TMEM132C: variants seen among roughly 807,000 people sequenced by gnomAD.
TMEM132C encodes transmembrane protein 132C.
In TMEM132C, 29 loss-of-function variants were observed where a neutral mutation model predicts 61.4. That is an observed-to-expected ratio of 0.47 (90% CI 0.35 to 0.64). The LOEUF (loss-of-function observed/expected upper bound fraction) is 0.64, where lower values mean the gene tolerates loss of function less well. Among genes scored for constraint, TMEM132C ranks in the 30% least tolerant of loss-of-function variants. The pLI, the probability that TMEM132C is intolerant of heterozygous loss-of-function variation, is 0.00. For missense variants in TMEM132C, 1,408 were observed against 1,476.9 expected, an observed-to-expected ratio of 0.95 and a Z score of 0.76; for synonymous variants, 656 against 633.1, an observed-to-expected ratio of 1.04 and a Z score of -0.54.
chr12:128,363,212 A>G (rs1873759845), intron 1 of TMEM132C, among the ~76,000 whole-genome samples: 1 of 152,250 alleles, frequency 6.6e-6, no homozygotes, highest in African/African-American at 2.4e-5. Flanking sequence ...GGTTTTAATT[A>G]AAACTTATAT....
At chr12:128,567,180 T>C (rs977482580) in intron 3 of TMEM132C, among the ~76,000 whole-genome samples, 1 of 152,122 alleles carries the variant, frequency 6.6e-6, no homozygotes, top group Non-Finnish European at 1.5e-5. Flanking sequence ...CAGAACATCA[T>C]AATGTCTCCT....
intron 2 of TMEM132C, among the ~76,000 whole-genome samples, chr12:128,436,785 C>A (rs551891516): frequency 2.0e-5 from 3 of 152,312 alleles, no homozygotes; most frequent in African/African-American, 7.2e-5. Context: ...ACCCAGCCAT[C>A]CCATTACTGG....
chr12:128,666,258 C>A (rs1349646965), intron 4 of TMEM132C, among the ~76,000 whole-genome samples: 1 of 151,242 alleles, frequency 6.6e-6, no homozygotes, highest in African/African-American at 2.4e-5. Context: ...CACACACATT[C>A]ACAGGCACTC....
At position 128,415,774 on chromosome 12, in the gene TMEM132C, A is replaced by G. The variant is rs539147196; in HGVS notation, c.974+154A>G. Among the ~76,000 whole-genome samples the G allele has an allele frequency of 6.6e-6, 1 of 152,292 alleles. No individual in the cohort carries two copies. Reference sequence around the variant, plus strand: ...GGGAAGGCAAATTATGCACCTGCCCACATGCTCTCAACAGCCCTCCTTACA... The same window carrying G: ...GGGAAGGCAAATTATGCACCTGCCCGCATGCTCTCAACAGCCCTCCTTACA... On this transcript the variant is annotated intron_variant, in intron 2 of 8. Transcript: ENST00000435159. This position sits in a 1 kb window ranked among gnomAD's most constrained non-coding sequence, Gnocchi z 5.8.
intron 4 of TMEM132C, among the ~76,000 whole-genome samples, chr12:128,658,024 G>A (rs909283316): frequency 6.7e-6 from 1 of 149,948 alleles, no homozygotes; most frequent in Admixed American, 6.6e-5. Flanking sequence ...AGCTCCCATG[G>A]AGGCCACAAG....
intron 4 of TMEM132C, among the ~76,000 whole-genome samples, chr12:128,632,945 G>T (rs183851102): frequency 2.0e-4 from 31 of 152,264 alleles, no homozygotes; most frequent in African/African-American, 7.2e-4. Context: ...AGTAATTATC[G>T]ATTGGTGCAT....
intron 2 of TMEM132C, among the ~76,000 whole-genome samples, chr12:128,542,704 CA>C (rs1329395403): frequency 7.2e-6 from 1 of 139,820 alleles, no homozygotes; most frequent in African/African-American, 2.6e-5. Context: ...TACTAAAATA[CA>C]AAAAAAGTAG....
rs1159134189 is a variant in TMEM132C at position 128,481,446 on chromosome 12, C to T, written c.975-62511C>T. On this transcript the variant is annotated intron_variant, in intron 2 of 8. Coordinates refer to ENST00000435159, the MANE Select transcript of TMEM132C (RefSeq NM_001136103.3). ...TGCTGTCCAGAGTGCAGGAAACCTT[C>T]CAGGGTGCTTGCCTGTCCCAGGCCC... Among the ~76,000 whole-genome samples, 5 of 152,190 alleles carry T rather than the reference C, an allele frequency of 3.3e-5. No homozygotes were observed. In the East Asian group the frequency reaches 9.7e-4, roughly 29 times the overall value.
intron 1 of TMEM132C, among the ~76,000 whole-genome samples, chr12:128,390,869 G>T (rs1161832832): frequency 6.6e-6 from 1 of 152,120 alleles, no homozygotes; most frequent in African/African-American, 2.4e-5. Flanking sequence ...GAAGATACAT[G>T]GTTGCTTTTA....
At chr12:128,459,884 C>CAAAAAAAAAAAAAAAAAAAAAAAAAAA (rs71069569) in intron 2 of TMEM132C, among the ~76,000 whole-genome samples, 1 of 82,194 alleles carries the variant, frequency 1.2e-5, no homozygotes, top group Non-Finnish European at 2.2e-5. Flanking sequence ...GACTCTGTCT[C>CAAAAAAAAAAAAAAAAAAAAAAAAAAA]AAAAAAAAAA....
chr12:128,609,255 C>T (rs1412082143), intron 3 of TMEM132C, among the ~76,000 whole-genome samples: 2 of 102,008 alleles, frequency 2.0e-5, no homozygotes, highest in Non-Finnish European at 4.2e-5. Context: ...CCCCCACCTC[C>T]CTGCAAGTTA....
At chr12:128,605,151 A>T (rs1263560191) in intron 3 of TMEM132C, among the ~76,000 whole-genome samples, 7 of 149,820 alleles carry the variant, frequency 4.7e-5, no homozygotes, top group Non-Finnish European at 1.0e-4. Flanking sequence ...AGATACATAG[A>T]TACATAGATA....
At chr12:128,371,388 A>T (rs1456084394) in intron 1 of TMEM132C, among the ~76,000 whole-genome samples, 1 of 152,162 alleles carries the variant, frequency 6.6e-6, no homozygotes, top group African/African-American at 2.4e-5. Context: ...TCCTCACCAA[A>T]GTGATTGGTT....
At chr12:128,297,417 T>C (rs370894661) in intron 1 of TMEM132C, among the ~76,000 whole-genome samples, 1 of 152,208 alleles carries the variant, frequency 6.6e-6, no homozygotes, top group South Asian at 2.1e-4. Context: ...GGATTACTCC[T>C]TGGTCATGCG....
chr12:128,568,868 A>G (rs1304353875), intron 3 of TMEM132C, among the ~76,000 whole-genome samples: 1 of 152,236 alleles, frequency 6.6e-6, no homozygotes, highest in Non-Finnish European at 1.5e-5. Context: ...ATGTGAAGCC[A>G]GAAAAGGATT....
intron 3 of TMEM132C, among the ~76,000 whole-genome samples, chr12:128,574,022 C>T (rs1240348845): frequency 2.6e-5 from 4 of 152,058 alleles, no homozygotes; most frequent in African/African-American, 9.7e-5. Flanking sequence ...AGAATACATG[C>T]TTGATGGGCA....
intron 1 of TMEM132C, among the ~76,000 whole-genome samples, chr12:128,273,555 A>G (rs1364006058): frequency 6.6e-6 from 1 of 151,966 alleles, no homozygotes; most frequent in Non-Finnish European, 1.5e-5. Flanking sequence ...TTATTCATCT[A>G]TTTGTATTAA....
At chr12:128,568,617 G>A (rs1433502218) in intron 3 of TMEM132C, among the ~76,000 whole-genome samples, 2 of 152,110 alleles carry the variant, frequency 1.3e-5, no homozygotes, top group Non-Finnish European at 2.9e-5. Context: ...AATGCTCCAA[G>A]GTCACACAGC....
intron 2 of TMEM132C, among the ~76,000 whole-genome samples, chr12:128,518,440 G>A (rs184816521): frequency 2.6e-5 from 4 of 152,268 alleles, no homozygotes; most frequent in African/African-American, 4.8e-5. Context: ...TGGCATCCTC[G>A]TTCTTAGAGA....
Sources: allele counts gnomAD v4.1 joint callset (sites outside exome capture counted in the v4.1 genomes callset), GRCh38; gene constraint gnomAD v4.1.1; non-coding constraint Gnocchi (gnomAD v3.1); transcripts MANE v1.5; gene names NCBI Gene and HGNC (gene_info 2026-07-23, HGNC 2026-07-21).